The following VPS51 variants were observed in gnomAD, a reference collection of about 807,000 sequenced individuals.
VPS51 encodes vacuolar protein sorting-associated protein 51 homolog.
VPS51 carries 55 observed loss-of-function variants against 65.1 expected under a neutral mutation model. The observed-to-expected ratio is 0.84, with a 90% CI of 0.68 to 1.06. The LOEUF (loss-of-function observed/expected upper bound fraction) is 1.06, where lower values mean the gene tolerates loss of function less well. VPS51 is among the 50% of genes least tolerant of loss of function. VPS51 has a pLI of 0.00. For missense variants in VPS51, 943 were observed against 1,101.6 expected (o/e 0.86, Z 2.04); for synonymous variants, 473 against 489.5 (o/e 0.97, Z 0.44).
At chr11:65,104,914 A>G (rs763432057) in intron 2 of VPS51, among the ~76,000 whole-genome samples, 1 of 152,128 alleles carries the variant, frequency 6.6e-6, no homozygotes, top group Non-Finnish European at 1.5e-5. Context: ...CTTTCACAAC[A>G]TTCTCTAGTT....
chr11:65,108,511 G>T lies in VPS51; in HGVS notation c.1040G>T (p.Arg347Leu). 1.3e-6 allele frequency: 2 copies of T among 1,597,982 alleles called. No individual in the cohort carries two copies. Among genetic ancestry groups the T allele is most frequent in the African/African-American group, 2.7e-5 (2 of 74,916 alleles). ...GCCTTCGCCCGGCAGCTGGGCAGCC[G>T]CTATTTTGCGCTGGTGGAGCGGCGG... Reference protein sequence around the residue: ...LAAFARQLGSRYFALVERRLA... With the variant: ...LAAFARQLGSLYFALVERRLA... Residue 347 changes from arginine to leucine, a missense_variant, in exon 5 of 10, where the codon CGC becomes CTC. By Grantham distance (102) the Arg-to-Leu change is moderately radical. Around this residue, in one of 2 missense-constraint regions of VPS51, gnomAD observed 855 missense variants for 953.7 expected, o/e 0.90. Transcript: ENST00000279281.
chr11:65,108,062 C>T (rs745743116), intron 4 of VPS51, 40 bp downstream of exon 4: 1,324 of 1,488,662 alleles, frequency 8.9e-4, no homozygotes, highest in Non-Finnish European at 9.9e-4. Context: ...TCCCGCCAGC[C>T]CCGAGCCCCA....
intron 2 of VPS51, among the ~76,000 whole-genome samples, chr11:65,101,321 A>G (rs1947806642): frequency 6.6e-6 from 1 of 152,232 alleles, no homozygotes. Context: ...GTAGTTTGCC[A>G]ACCTCTCACC....
Position 65,108,516 on chromosome 11 carries a change from T to C in VPS51, c.1045T>C (p.Phe349Leu). Residue 349 changes from phenylalanine (F) to leucine (L), a missense_variant, in exon 5 of 10, where the codon TTT becomes CTT. Coordinates refer to ENST00000279281, the MANE Select transcript of VPS51 (RefSeq NM_013265.4). ...AFARQLGSRYFALVERRLAQE... is the reference protein window; with the variant it reads ...AFARQLGSRYLALVERRLAQE... ...CGCCCGGCAGCTGGGCAGCCGCTAT[T>C]TTGCGCTGGTGGAGCGGCGGCTGGC... 6.3e-7 allele frequency: 1 copy of C among 1,598,028 alleles called. No individual in the cohort carries two copies. Among genetic ancestry groups the C allele is most frequent in the Non-Finnish European group, 8.5e-7 (1 of 1,176,966 alleles).
intron 9 of VPS51, 58 bp from the exon 10 acceptor site, chr11:65,111,269 G>A: frequency 6.3e-7 from 1 of 1,597,260 alleles, no homozygotes; most frequent in Non-Finnish European, 8.5e-7. Context: ...TTGGAACTTG[G>A]GTGTCCCCCA....
chr11:65,096,511 G>GGGGGGGGT, intron 1 of VPS51, 33 bp downstream of exon 1: 1 of 979,736 alleles, frequency 1.0e-6, no homozygotes, highest in Non-Finnish European at 1.5e-6. Flanking sequence ...GGGGTGCGGG[G>GGGGGGGGT]AGGGGGGAAG....
At chr11:65,098,194 T>G (rs11604798) in intron 2 of VPS51, among the ~76,000 whole-genome samples, 7,660 of 151,836 alleles carry the variant, frequency 0.05, 241 homozygotes, top group African/African-American at 0.094. Context: ...AAAAAAATAA[T>G]AAGAAGAAGA....
At chr11:65,111,204 G>A (rs1417437004) in intron 9 of VPS51, 123 bp from the exon 10 acceptor site, 4 of 1,432,790 alleles carry the variant, frequency 2.8e-6, no homozygotes, top group African/African-American at 2.8e-5. Flanking sequence ...ATCTGGCCCC[G>A]GAGACTTTCT....
chr11:65,109,132 CAG>C, intron 5 of VPS51, 146 bp from the exon 6 acceptor site: 1 of 1,064,834 alleles, frequency 9.4e-7, no homozygotes. Flanking sequence ...TGCCCCCACT[CAG>C]GGAAGCTGCT....
At chr11:65,096,504 G>A (rs763321320) in intron 1 of VPS51, 26 bp downstream of exon 1, 2 of 1,083,806 alleles carry the variant, frequency 1.8e-6, no homozygotes, top group Admixed American at 3.2e-5. Context: ...GAGTGGGGGG[G>A]TGCGGGGAGG....
intron 2 of VPS51, among the ~76,000 whole-genome samples, chr11:65,101,861 G>A (rs1402215010): frequency 1.3e-5 from 2 of 149,928 alleles, no homozygotes; most frequent in African/African-American, 4.9e-5. Context: ...AGGGAGCACA[G>A]TCACATAATC....
At position 65,108,470 on chromosome 11, in the gene VPS51, T is replaced by TGCCGAGAAGCTGGCGGCCTTC; in HGVS notation, c.1003_1023dup (p.Glu335_Ala341dup). 1 of 1,609,436 alleles carries TGCCGAGAAGCTGGCGGCCTTC rather than the reference T, an allele frequency of 6.2e-7. No homozygotes were observed. Among genetic ancestry groups the TGCCGAGAAGCTGGCGGCCTTC allele is most frequent in the East Asian group, 2.2e-5 (1 of 44,836 alleles). ...TGTTTGCGGCCCAGGGCCCAGCAGGTGCCGAGAAGCTGGCGGCCTTCGCCC... is the reference window on the plus strand; with the variant it reads ...TGTTTGCGGCCCAGGGCCCAGCAGGTGCCGAGAAGCTGGCGGCCTTCGCCGAGAAGCTGGCGGCCTTCGCCC... On this transcript the variant is annotated inframe_insertion, in exon 5 of 10. Transcript: ENST00000279281.
rs1590812539 is a variant in VPS51, at chr11:65,107,664, G to A, written c.442G>A (p.Asp148Asn). The A allele has an allele frequency of 2.5e-6, 4 of 1,610,056 alleles. No individual in the cohort carries two copies. Among genetic ancestry groups the A allele is most frequent in the African/African-American group, 1.3e-5 (1 of 74,888 alleles). ...GGCCACCAACATGGCAGTGATCACC[G>A]ACTTCAGCGCTCGCATCAGCGCCAC... ...RLATNMAVIT[D>N]FSARISATLQ... Residue 148 changes from aspartate to asparagine, a missense_variant, in exon 3 of 10, where the codon GAC becomes AAC. Transcript: ENST00000279281. This position sits in a 1 kb window ranked among gnomAD's most constrained non-coding sequence, Gnocchi z 4.0.
intron 8 of VPS51, 34 bp from the exon 9 acceptor site, chr11:65,110,660 G>A: frequency 6.2e-7 from 1 of 1,614,158 alleles, no homozygotes; most frequent in South Asian, 1.1e-5. Context: ...GAGGGTGCAG[G>A]GCGGGCTCTG....
rs1477718130 is a variant in VPS51, at chr11:65,108,452, G to A, written c.981G>A (p.Ala327=). 2.5e-6 allele frequency: 4 copies of A among 1,610,724 alleles called. No homozygotes were observed. The highest frequency in any genetic ancestry group is 1.1e-5 in the South Asian group (1 of 90,998). Residue 327 remains alanine (A), a synonymous_variant, in exon 5 of 10, where the codon GCG becomes GCA. Coordinates refer to ENST00000279281, the MANE Select transcript of VPS51 (RefSeq NM_013265.4). ...CGGCGGCCTACCAGGAGCTGTTTGC[G>A]GCCCAGGGCCCAGCAGGTGCCGAGA... The part of the protein sequence containing the change: ...QVAAAYQELF[A]AQGPAGAEKL...
Position 65,109,876 on chromosome 11 carries a change from G to A in VPS51, c.1831G>A (p.Ala611Thr), listed in dbSNP as rs77671913. Residue 611 changes from alanine (A) to threonine (T), a missense_variant, in exon 7 of 10, where the codon GCC becomes ACC. Around this residue, in one of 2 missense-constraint regions of VPS51, gnomAD observed 855 missense variants for 953.7 expected, o/e 0.90. Coordinates refer to ENST00000279281, the MANE Select transcript of VPS51 (RefSeq NM_013265.4). ...CACTCTGGAGCCCCGGAATGTGCGG[G>A]CCGTCATGAAGCGGGTGGTGGAGGA... Reference protein sequence around the residue: ...LSTLEPRNVRAVMKRVVEDTT... With the variant: ...LSTLEPRNVRTVMKRVVEDTT... The A allele has an allele frequency of 6.2e-7, 1 of 1,611,328 alleles. No homozygotes were observed. Among genetic ancestry groups the A allele is most frequent in the East Asian group, 2.2e-5 (1 of 44,820 alleles).
intron 2 of VPS51, among the ~76,000 whole-genome samples, chr11:65,100,105 A>AAAT (rs938120917): frequency 3.3e-5 from 5 of 152,100 alleles, no homozygotes; most frequent in African/African-American, 7.2e-5. Flanking sequence ...TCCGTCTCAA[A>AAAT]AATAATAATA....
intron 5 of VPS51, 156 bp from the exon 6 acceptor site, chr11:65,109,123 GC>G: frequency 2.9e-6 from 3 of 1,035,498 alleles, no homozygotes; most frequent in Non-Finnish European, 1.4e-6. Context: ...GGCTTTCTCT[GC>G]CCCCACTCAG....
At position 65,107,048 on chromosome 11, in the gene VPS51, C is replaced by A; in HGVS notation, c.359-533C>A. On this transcript the variant is annotated intron_variant, in intron 2 of 9. Transcript: ENST00000279281. The surrounding 1 kb of genome is among the most constrained non-coding windows in gnomAD (Gnocchi z 4.0). ...CCTGGTGTGTGAAAGGAAAAACAGC[C>A]TCCCTAGGCAGGATTCTATCAGGAC... 2.6e-6 allele frequency: 1 copy of A among 388,276 alleles called. No homozygotes were observed. The highest frequency in any genetic ancestry group is 5.2e-6 in the Non-Finnish European group (1 of 193,362). 24.1% of individuals were successfully genotyped at this position (388,276 alleles called of 1,614,324 possible).
Sources: allele counts gnomAD v4.1 joint callset (sites outside exome capture counted in the v4.1 genomes callset), GRCh38; gene constraint gnomAD v4.1.1; regional missense constraint gnomAD v4.1.1; non-coding constraint Gnocchi (gnomAD v3.1); transcripts MANE v1.5; gene names NCBI Gene and HGNC (gene_info 2026-07-23, HGNC 2026-07-21).